Variants in PRUNE2 observed in about 807,000 individuals in gnomAD.
The protein encoded by PRUNE2 is prune homolog 2 with BCH domain.
A neutral mutation model predicts 252.0 loss-of-function variants in PRUNE2; 164 were observed. That is an observed-to-expected ratio of 0.65 (90% CI 0.57 to 0.74). The LOEUF is 0.74. Ranked by LOEUF, PRUNE2 falls within the 30% of genes least tolerant of loss-of-function variation. PRUNE2 has a pLI of 0.00. For synonymous variants in PRUNE2, 1,292 were observed against 1,350.2 expected (o/e 0.96, Z 0.94); for missense variants, 3,495 against 3,711.0 (o/e 0.94, Z 1.51).
At chr9:76,846,784 C>G in intron 3 of PRUNE2, 106 bp from the exon 4 acceptor site, 1 of 863,098 alleles carries the variant, frequency 1.2e-6, no homozygotes, top group Non-Finnish European at 1.8e-6. Flanking sequence ...CTCTCAATGA[C>G]CAAAAATATG....
chr9:76,892,672 C>G (rs1397405736), intron 1 of PRUNE2, among the ~76,000 whole-genome samples: 1 of 152,148 alleles, frequency 6.6e-6, no homozygotes, highest in Non-Finnish European at 1.5e-5. Flanking sequence ...ATACAAATAT[C>G]TTAAGTCCTG....
chr9:76,769,631 G>A (rs1344080269), intron 6 of PRUNE2, among the ~76,000 whole-genome samples: 12 of 152,128 alleles, frequency 7.9e-5, no homozygotes, highest in Non-Finnish European at 1.8e-4. Context: ...CTCCATGTTG[G>A]TCAGGCTGGA....
intron 18 of PRUNE2, among the ~76,000 whole-genome samples, chr9:76,615,856 G>A (rs996638443): frequency 6.3e-5 from 8 of 126,504 alleles, no homozygotes; most frequent in African/African-American, 2.4e-4. Context: ...TGCAACCGCC[G>A]TCTCCTAGAT....
chr9:76,897,980 C>G (rs1000022536), intron 1 of PRUNE2, among the ~76,000 whole-genome samples: 7 of 152,150 alleles, frequency 4.6e-5, no homozygotes, highest in African/African-American at 1.7e-4. Context: ...ATCACGTCCT[C>G]GTCTCAGGGC....
chr9:76,624,593 A>G (rs1381069670), intron 16 of PRUNE2, 103 bp from the exon 17 acceptor site: 2 of 784,702 alleles, frequency 2.5e-6, no homozygotes, highest in Middle Eastern at 2.5e-4. Context: ...AGTGGTGCAT[A>G]TGTGCTTTTC....
At chr9:76,668,992 C>G (rs867217383) in intron 9 of PRUNE2, among the ~76,000 whole-genome samples, 2 of 151,522 alleles carry the variant, frequency 1.3e-5, no homozygotes, top group South Asian at 2.1e-4. Context: ...AGTCATCCCT[C>G]TGTGTGTGTG....
In PRUNE2 at chr9:76,707,943, G is replaced by A; in HGVS notation, c.4331C>T (p.Thr1444Ile). 1.2e-6 allele frequency: 2 copies of A among 1,613,900 alleles called. No individual in the cohort carries two copies. Among genetic ancestry groups the A allele is most frequent in the Non-Finnish European group, 1.7e-6 (2 of 1,179,870 alleles). Residue 1444 changes from threonine to isoleucine, a missense_variant, in exon 8 of 19, where the codon ACT becomes ATT. By Grantham distance (89) the Thr-to-Ile change is moderately conservative (BLOSUM62 -1). Coordinates refer to ENST00000376718, the MANE Select transcript of PRUNE2 (RefSeq NM_015225.3). The stretch of plus-strand genomic sequence containing the variant: ...GAAATTCATCCCATCTGAAGTCTCA[G>A]TAGTTTCACCTGAATTTCTTTGACT... The part of the protein sequence containing the change: ...LMSQRNSGET[T>I]ETSDGMNFTK...
chr9:76,674,352 T>A (rs1167393066), intron 9 of PRUNE2, among the ~76,000 whole-genome samples: 3 of 152,318 alleles, frequency 2.0e-5, no homozygotes, highest in Admixed American at 2.0e-4. Context: ...TTACAAGGGA[T>A]GTGAAGGACC....
chr9:76,722,522 T>C (rs1180352633), intron 6 of PRUNE2, among the ~76,000 whole-genome samples: 2 of 152,198 alleles, frequency 1.3e-5, no homozygotes, highest in African/African-American at 4.8e-5. Flanking sequence ...GAGAGCCCTT[T>C]TGTGAAAATA....
Position 76,785,224 on chromosome 9 carries a change from C to A in PRUNE2, c.756+38408G>T, listed in dbSNP as rs756221302. On this transcript the variant is annotated intron_variant, in intron 6 of 18. Transcript: ENST00000376718. ...TTCTGCCTGAGAAGCTCTTCCTTGT[C>A]TCTTAAATCTAGAATGATGTAAAGT... 207 of 152,158 alleles carry A rather than the reference C, an allele frequency of 1.4e-3. 2 individuals are homozygous for A. Among genetic ancestry groups the A allele is most frequent in the Non-Finnish European group, 1.5e-3 (105 of 68,026 alleles). The allele number at this position is 152,158 out of a possible 1,614,324, so 9.4% of individuals were successfully genotyped here.
intron 6 of PRUNE2, among the ~76,000 whole-genome samples, chr9:76,757,937 T>C (rs2051310263): frequency 6.6e-6 from 1 of 152,172 alleles, no homozygotes; most frequent in Non-Finnish European, 1.5e-5. Context: ...TTCAGAAACA[T>C]GCATACTAAA....
chr9:76,840,021 G>A (rs1389742216), intron 4 of PRUNE2, among the ~76,000 whole-genome samples: 2 of 152,216 alleles, frequency 1.3e-5, no homozygotes, highest in Non-Finnish European at 2.9e-5. Context: ...AATTAGACAA[G>A]CATGTGAAGA....
At chr9:76,777,482 C>T (rs1311952374) in intron 6 of PRUNE2, among the ~76,000 whole-genome samples, 1 of 152,176 alleles carries the variant, frequency 6.6e-6, no homozygotes, top group East Asian at 1.9e-4. Context: ...TGCTGGCTGA[C>T]TGAAGAAATG....
chr9:76,843,301 A>C (rs563722524), intron 4 of PRUNE2, among the ~76,000 whole-genome samples: 3 of 152,246 alleles, frequency 2.0e-5, no homozygotes, highest in African/African-American at 7.2e-5. Context: ...AGGGTGGGGA[A>C]TATCACACAC....
rs917918889 is a variant in PRUNE2 at position 76,703,808 on chromosome 9, G to A, written c.7805C>T (p.Ser2602Phe). 8.1e-6 allele frequency: 13 copies of A among 1,613,792 alleles called. No individual in the cohort carries two copies. Among genetic ancestry groups the A allele is most frequent in the Non-Finnish European group, 1.1e-5 (13 of 1,179,890 alleles). Reference sequence around the variant, plus strand: ...AGAGAGACCTTTTCTTTCATTTAAGGAGGCTGGCTGACATGTGTCTGGGAA... The same window carrying A: ...AGAGAGACCTTTTCTTTCATTTAAGAAGGCTGGCTGACATGTGTCTGGGAA... The part of the protein sequence containing the change: ...ASFPDTCQPA[S>F]LNERKGLSAE... Residue 2602 changes from serine (S) to phenylalanine (F), a missense_variant, in exon 9 of 19, where the codon TCC becomes TTC. Physicochemically the swap from Ser to Phe is radical, Grantham distance 155. Coordinates refer to ENST00000376718, the MANE Select transcript of PRUNE2 (RefSeq NM_015225.3).
intron 6 of PRUNE2, among the ~76,000 whole-genome samples, chr9:76,768,583 ATGTGTGTGTGTGTGTGTGTGTGTGTG>A (rs55793596): frequency 1.9e-5 from 2 of 103,356 alleles, no homozygotes; most frequent in African/African-American, 6.5e-5. Context: ...ATGTATATGT[ATGTGTGTGTGTGTGTGTGTGTGTGTG>A]TGTGTGTGTG....
intron 8 of PRUNE2, 104 bp downstream of exon 8, chr9:76,704,656 GT>G (rs1208866368): frequency 1.2e-6 from 1 of 827,838 alleles, no homozygotes; most frequent in African/African-American, 1.7e-5. Flanking sequence ...AATGTAGTTA[GT>G]TTTCTCTCTA....
intron 9 of PRUNE2, among the ~76,000 whole-genome samples, chr9:76,698,040 A>G (rs1243739245): frequency 1.5e-5 from 2 of 132,624 alleles, no homozygotes; most frequent in Non-Finnish European, 3.2e-5. Flanking sequence ...ATTAAACTGC[A>G]AATGTAAAGG....
At chr9:76,768,123 C>T (rs571009119) in intron 6 of PRUNE2, among the ~76,000 whole-genome samples, 2 of 152,272 alleles carry the variant, frequency 1.3e-5, no homozygotes, top group East Asian at 3.9e-4. Flanking sequence ...AGGAGGATCA[C>T]ATAAGTCTAA....
Sources: allele counts gnomAD v4.1 joint callset (sites outside exome capture counted in the v4.1 genomes callset), GRCh38; gene constraint gnomAD v4.1.1; transcripts MANE v1.5; gene names NCBI Gene and HGNC (gene_info 2026-07-23, HGNC 2026-07-21).